Variants in GLRA3 observed in about 807,000 individuals in gnomAD.
GLRA3 encodes the protein glycine receptor alpha 3.
A neutral mutation model predicts 60.4 loss-of-function variants in GLRA3; 44 were observed. The observed-to-expected ratio is 0.73, with a 90% CI of 0.57 to 0.94. The LOEUF (loss-of-function observed/expected upper bound fraction) is 0.94. Ranked by LOEUF, GLRA3 falls within the 40% of genes least tolerant of loss-of-function variation. GLRA3 has a pLI of 0.00. For synonymous variants in GLRA3, 223 were observed against 192.9 expected, an observed-to-expected ratio of 1.16 and a Z score of -1.29; for missense variants, 508 against 564.6, an observed-to-expected ratio of 0.90 and a Z score of 1.02.
chr4:174,809,820 T>G (rs939752463), intron 1 of GLRA3, among the ~76,000 whole-genome samples: 2 of 152,180 alleles, frequency 1.3e-5, no homozygotes, highest in African/African-American at 4.8e-5. Context: ...AAGAATGCTA[T>G]GAACAGCATT....
chr4:174,756,758 C>T (rs996623048), intron 3 of GLRA3, among the ~76,000 whole-genome samples: 1 of 151,754 alleles, frequency 6.6e-6, no homozygotes, highest in East Asian at 2.0e-4. Context: ...CATTCTCCTG[C>T]CTCAGCCTCC....
intron 1 of GLRA3, among the ~76,000 whole-genome samples, chr4:174,827,682 C>G (rs1741032838): frequency 6.6e-6 from 1 of 151,992 alleles, no homozygotes; most frequent in South Asian, 2.1e-4. Flanking sequence ...ATAACCATCA[C>G]AGTTTCTATT....
At chr4:174,691,706 C>T (rs972724373) in intron 5 of GLRA3, among the ~76,000 whole-genome samples, 1 of 152,162 alleles carries the variant, frequency 6.6e-6, no homozygotes, top group African/African-American at 2.4e-5. Context: ...CAATGGTGCC[C>T]AGGCTGGAGT....
At chr4:174,759,708 A>G (rs975731933) in intron 3 of GLRA3, among the ~76,000 whole-genome samples, 2 of 152,182 alleles carry the variant, frequency 1.3e-5, no homozygotes, top group Non-Finnish European at 2.9e-5. Context: ...ACGTGATATC[A>G]GTGCAGGCAT....
Position 174,642,344 on chromosome 4 carries a change from G to A in GLRA3, c.*1442C>T. The A allele has an allele frequency of 1.0e-6, 1 of 975,940 alleles. No homozygotes were observed. Among genetic ancestry groups the A allele is most frequent in the Non-Finnish European group, 1.2e-6 (1 of 821,684 alleles). 60.5% of individuals were successfully genotyped at this position (975,940 alleles called of 1,614,324 possible). ...GTTCATTGTTTTCTTAATCTTTAAA[G>A]TTTTCTCTGTGAATAATTTGGTGGA... On this transcript the variant is annotated 3_prime_UTR_variant, in exon 10 of 10. Transcript: ENST00000274093.
At chr4:174,734,206 G>A (rs532478629) in intron 3 of GLRA3, among the ~76,000 whole-genome samples, 2 of 152,306 alleles carry the variant, frequency 1.3e-5, no homozygotes, top group African/African-American at 4.8e-5. Flanking sequence ...ATGAAGCTCA[G>A]ACTTCTTACC....
At chr4:174,750,386 T>C (rs938336461) in intron 3 of GLRA3, among the ~76,000 whole-genome samples, 39 of 152,218 alleles carry the variant, frequency 2.6e-4, no homozygotes, top group African/African-American at 7.5e-4. Context: ...ATATTACAAA[T>C]TTCTTAGTCT....
intron 1 of GLRA3, among the ~76,000 whole-genome samples, chr4:174,808,796 A>G (rs1211255798): frequency 6.6e-6 from 1 of 152,154 alleles, no homozygotes; most frequent in African/African-American, 2.4e-5. Context: ...AAAAATTTAA[A>G]TGTGAAAAAA....
At position 174,677,238 on chromosome 4, in the gene GLRA3, T is replaced by G; in HGVS notation, c.767A>C (p.Tyr256Ser). 1.2e-6 allele frequency: 2 copies of G among 1,613,126 alleles called. No homozygotes were observed. Among genetic ancestry groups the G allele is most frequent in the South Asian group, 1.1e-5 (1 of 91,044 alleles). ...ACTGGGAATGTACATCTGGATCAGA[T>G]AGTATCCCATTTGTCGCTCCAGATG... Reference protein sequence around the residue: ...RFHLERQMGYYLIQMYIPSLL... With the variant: ...RFHLERQMGYSLIQMYIPSLL... Residue 256 changes from tyrosine (Y) to serine (S), a missense_variant, in exon 7 of 10, where the codon TAT (tyrosine) becomes TCT (serine). Coordinates refer to ENST00000274093, the MANE Select transcript of GLRA3 (RefSeq NM_006529.4).
intron 3 of GLRA3, among the ~76,000 whole-genome samples, chr4:174,737,393 A>G (rs1736842378): frequency 6.6e-6 from 1 of 152,226 alleles, no homozygotes. Flanking sequence ...AGGAATAGAC[A>G]TTATTGGCAA....
At chr4:174,734,090 G>A (rs1304008991) in intron 3 of GLRA3, among the ~76,000 whole-genome samples, 1 of 151,820 alleles carries the variant, frequency 6.6e-6, no homozygotes, top group African/African-American at 2.4e-5. Flanking sequence ...ATAGCCAGAT[G>A]GAAAAAATAA....
chr4:174,644,140 C>A (rs55885329), intron 9 of GLRA3, 76 bp from the exon 10 acceptor site: 5 of 775,292 alleles, frequency 6.4e-6, no homozygotes, highest in Non-Finnish European at 1.1e-5. Flanking sequence ...GAATCATAAC[C>A]AATTTTATCA....
chr4:174,783,667 A>G (rs2111287871), intron 2 of GLRA3, among the ~76,000 whole-genome samples: 1 of 146,692 alleles, frequency 6.8e-6, no homozygotes, highest in Non-Finnish European at 1.5e-5. Flanking sequence ...AAGGACATGA[A>G]CAGACACTTC....
intron 5 of GLRA3, among the ~76,000 whole-genome samples, chr4:174,683,831 A>G (rs1225823600): frequency 6.6e-6 from 1 of 152,218 alleles, no homozygotes; most frequent in African/African-American, 2.4e-5. Context: ...CTACAAAGCA[A>G]AAATGGAGAG....
At chr4:174,664,396 C>A (rs144451519) in intron 7 of GLRA3, among the ~76,000 whole-genome samples, 176 of 152,232 alleles carry the variant, frequency 1.2e-3, no homozygotes, top group African/African-American at 3.9e-3. Context: ...CTCTACCAGA[C>A]TACCACCTCC....
At position 174,788,919 on chromosome 4, in the gene GLRA3, G is replaced by A. The variant is rs2111303798; in HGVS notation, c.96C>T (p.Asp32=). 2 of 1,598,130 alleles carry A rather than the reference G, an allele frequency of 1.3e-6. No homozygotes were observed. The highest frequency in any genetic ancestry group is 8.5e-7 in the Non-Finnish European group (1 of 1,172,118). ...TTGGAGCACTTCGAGATCTTGCACT[G>A]TCTGTTTCCTTTGTGGCAACCAAAC... ...LLSLVATKET[D]SARSRSAPMS... The change falls in exon 2 of 10, where the codon GAC becomes GAT. Residue 32 remains aspartate, a synonymous_variant. Coordinates refer to ENST00000274093, the MANE Select transcript of GLRA3 (RefSeq NM_006529.4).
chr4:174,709,314 CAGTT>C (rs890859041), intron 5 of GLRA3, among the ~76,000 whole-genome samples: 1 of 151,922 alleles, frequency 6.6e-6, no homozygotes, highest in Non-Finnish European at 1.5e-5. Flanking sequence ...AAATTTAAAA[CAGTT>C]AGTGAAAAAC....
intron 3 of GLRA3, among the ~76,000 whole-genome samples, chr4:174,756,898 G>A (rs1315169523): frequency 2.6e-5 from 4 of 152,082 alleles, no homozygotes; most frequent in Non-Finnish European, 5.9e-5. Context: ...CACCCGCCAC[G>A]GCCTCCCAAA....
intron 1 of GLRA3, among the ~76,000 whole-genome samples, chr4:174,804,441 G>A (rs1358562857): frequency 6.6e-6 from 1 of 152,128 alleles, no homozygotes; most frequent in African/African-American, 2.4e-5. Context: ...TAGTGGTCAG[G>A]AAGAGAGTTG....
Sources: gnomAD v4.1 joint callset for allele counts (sites outside exome capture counted in the v4.1 genomes callset) on GRCh38, gnomAD v4.1.1 for gene constraint, MANE v1.5 for transcripts, NCBI Gene and HGNC (gene_info 2026-07-23, HGNC 2026-07-21) for gene names.